ECSIT: variants seen among roughly 807,000 people sequenced by gnomAD.
ECSIT encodes the protein ECSIT signaling integrator, also known as evolutionarily conserved signaling intermediate in Toll pathway, mitochondrial.
ECSIT carries 29 observed loss-of-function variants against 36.8 expected under a neutral mutation model. The ratio of observed to expected loss-of-function variants is 0.79; its 90% confidence interval spans 0.59 to 1.08. ECSIT has a LOEUF of 1.08. ECSIT is among the 50% of genes least tolerant of loss of function. The probability of loss-of-function intolerance (pLI) is 0.00; values close to 1 mark genes in which losing one functional copy is unlikely to be tolerated. For missense variants in ECSIT, 542 were observed against 581.0 expected (o/e 0.93, Z 0.69); for synonymous variants, 231 against 234.8 (o/e 0.98, Z 0.15).
intron 1 of ECSIT, chr19:11,523,708 TG>T: frequency 1.4e-6 from 1 of 697,846 alleles, no homozygotes; most frequent in Non-Finnish European, 2.6e-6. Flanking sequence ...GGTAGCGCTC[TG>T]TAAAATTGAG....
At chr19:11,512,310 G>A (rs1393772972) in intron 4 of ECSIT, among the ~76,000 whole-genome samples, 4 of 151,582 alleles carry the variant, frequency 2.6e-5, no homozygotes, top group African/African-American at 4.9e-5. Flanking sequence ...GTGCTACTGC[G>A]CTCCAGCCTG....
At chr19:11,524,865 G>A (rs763547036) in intron 1 of ECSIT, among the ~76,000 whole-genome samples, 5 of 152,012 alleles carry the variant, frequency 3.3e-5, no homozygotes, top group East Asian at 1.9e-4. Flanking sequence ...CTGGCCAGGC[G>A]CAGTGGCTCA....
chr19:11,522,578 G>A, intron 1 of ECSIT: 2 of 631,710 alleles, frequency 3.2e-6, no homozygotes, highest in Admixed American at 2.5e-5. Flanking sequence ...GCCAGTCATG[G>A]TGGTACATGC....
In ECSIT at chr19:11,507,772, G is replaced by C. The variant is rs1240237384; in HGVS notation, c.875C>G (p.Ser292Cys). Residue 292 changes from serine to cysteine, a missense_variant, in exon 6 of 8, where the codon TCC becomes TGC. Coordinates refer to ENST00000270517, the MANE Select transcript of ECSIT (RefSeq NM_016581.5). ...ARPVFVEGPF[S>C]LWLRNKCVYY... ...CACACACTTGTTGCGGAGCCACAGG[G>C]AGAAGGGGCCCTCAACAAAGACAGG... is the stretch of plus-strand genomic sequence containing the variant. 2 of 1,614,138 alleles carry C rather than the reference G, an allele frequency of 1.2e-6. No homozygotes were observed.
intron 3 of ECSIT, among the ~76,000 whole-genome samples, chr19:11,513,553 GGA>G (rs1051342043): frequency 5.7e-5 from 8 of 140,568 alleles, no homozygotes; most frequent in Non-Finnish European, 1.2e-4. Context: ...AGGAAGGGAG[GGA>G]GAGAGAGGCA....
intron 1 of ECSIT, among the ~76,000 whole-genome samples, chr19:11,524,622 G>A (rs147917974): frequency 2.5e-4 from 37 of 150,802 alleles, no homozygotes; most frequent in Admixed American, 1.0e-3. Context: ...GATCACTTGA[G>A]CCCGGGAGAT....
rs776921256 is a variant in ECSIT at position 11,514,237 on chromosome 19, A to C, written c.97-16T>G. 37 of 1,587,200 alleles carry C rather than the reference A, an allele frequency of 2.3e-5. No individual in the cohort carries two copies. Among genetic ancestry groups the C allele is most frequent in the Non-Finnish European group, 3.1e-5 (36 of 1,168,556 alleles). ...GGCGAGGGACCTGGGGAGGGAGGAG[A>C]ACTGCTGGAATCTGGCACCTCTCAG... On this transcript the variant is annotated splice_polypyrimidine_tract_variant and intron_variant, in intron 2 of 7. Transcript: ENST00000270517.
In ECSIT at chr19:11,519,131, A is replaced by AG. The variant is rs1224231137; in HGVS notation, c.39dup (p.Cys14LeufsTer2). 2 of 1,550,294 alleles carry AG rather than the reference A, an allele frequency of 1.3e-6. No individual in the cohort carries two copies. Among genetic ancestry groups the AG allele is most frequent in the Non-Finnish European group, 1.7e-6 (2 of 1,146,578 alleles). Reference sequence around the variant, plus strand: ...CCGCAGGTGCCTCCCCAGGCCCTACAGAGGCCTCGGGCCAGTAGGGTGGCC... The same window carrying AG: ...CCGCAGGTGCCTCCCCAGGCCCTACAGGAGGCCTCGGGCCAGTAGGGTGGCC... On this transcript the variant is annotated frameshift_variant, in exon 2 of 8. Coordinates refer to ENST00000270517, the MANE Select transcript of ECSIT (RefSeq NM_016581.5). LOFTEE classifies it high-confidence loss of function. The surrounding 1 kb of genome is among the most constrained non-coding windows in gnomAD (Gnocchi z 4.4).
chr19:11,524,491 T>A (rs2145002643), intron 1 of ECSIT, among the ~76,000 whole-genome samples: 1 of 151,742 alleles, frequency 6.6e-6, no homozygotes, highest in Admixed American at 6.6e-5. Context: ...CACACTGCAC[T>A]CCAGTCTGGA....
chr19:11,523,342 AT>A, intron 1 of ECSIT: 1 of 337,790 alleles, frequency 3.0e-6, no homozygotes, highest in South Asian at 1.1e-4. Context: ...ACATTAAAAA[AT>A]ATGTTAATCA....
At position 11,507,519 on chromosome 19, in the gene ECSIT, A is replaced by C; in HGVS notation, c.989T>G (p.Met330Arg). The C allele has an allele frequency of 6.2e-7, 1 of 1,614,018 alleles. No homozygotes were observed. Among genetic ancestry groups the C allele is most frequent in the Non-Finnish European group, 8.5e-7 (1 of 1,179,998 alleles). Residue 330 changes from methionine (M) to arginine (R), a missense_variant, in exon 7 of 8, where the codon ATG becomes AGG. Transcript: ENST00000270517. ...CCTCACATACTCCAGGTCCAGCTGC[A>C]TCGGGTAGTAGAGGTTCCACTCCTC... is the stretch of plus-strand genomic sequence containing the variant. ...TPEEWNLYYP[M>R]QLDLEYVRSG...
At chr19:11,509,069 ATTTT>A (rs140542540) in intron 4 of ECSIT, among the ~76,000 whole-genome samples, 1 of 136,586 alleles carries the variant, frequency 7.3e-6, no homozygotes, top group Non-Finnish European at 1.6e-5. Flanking sequence ...ACACTAGACA[ATTTT>A]TTTTTTTTTT....
At chr19:11,514,850 T>C (rs1448559029) in intron 2 of ECSIT, among the ~76,000 whole-genome samples, 1 of 151,478 alleles carries the variant, frequency 6.6e-6, no homozygotes, top group South Asian at 2.1e-4. Context: ...TTTTTTTTTT[T>C]TTTTTTTAGA....
chr19:11,525,005 C>T (rs1433724282), intron 1 of ECSIT, among the ~76,000 whole-genome samples: 2 of 151,840 alleles, frequency 1.3e-5, no homozygotes, highest in Non-Finnish European at 2.9e-5. Flanking sequence ...GACAGGGTGG[C>T]GGGCGCCTAT....
At chr19:11,508,174 C>G in intron 4 of ECSIT, 126 bp from the exon 5 acceptor site, 1 of 1,128,470 alleles carries the variant, frequency 8.9e-7, no homozygotes, top group Non-Finnish European at 1.3e-6. Flanking sequence ...GTACACGGCC[C>G]TCCAACCTGT....
intron 4 of ECSIT, 96 bp from the exon 5 acceptor site, chr19:11,508,144 G>A (rs1971795895): frequency 6.9e-7 from 1 of 1,442,620 alleles, no homozygotes; most frequent in African/African-American, 1.4e-5. Context: ...AGGGAATTCA[G>A]GACACCTCTC....
At chr19:11,509,640 C>T (rs1453631299) in intron 4 of ECSIT, among the ~76,000 whole-genome samples, 6 of 151,050 alleles carry the variant, frequency 4.0e-5, no homozygotes, top group South Asian at 2.1e-4. Context: ...TGGTGGCACA[C>T]GCCTGTAGTC....
At chr19:11,522,186 C>T (rs1038755094) in intron 1 of ECSIT, 15 of 500,740 alleles carry the variant, frequency 3.0e-5, no homozygotes, top group African/African-American at 9.9e-5. Context: ...GTACCGCCTG[C>T]GGGTGAAGAA....
chr19:11,514,746 C>T (rs749100637), intron 2 of ECSIT, among the ~76,000 whole-genome samples: 26 of 152,040 alleles, frequency 1.7e-4, no homozygotes, highest in Non-Finnish European at 3.2e-4. Flanking sequence ...TGGTCTTGAA[C>T]GCCTGGCTTC....
Sources: allele counts gnomAD v4.1 joint callset (sites outside exome capture counted in the v4.1 genomes callset), GRCh38; gene constraint gnomAD v4.1.1; non-coding constraint Gnocchi (gnomAD v3.1); transcripts MANE v1.5; gene names NCBI Gene and HGNC (gene_info 2026-07-23, HGNC 2026-07-21).